Variants in PCSK5 observed in about 807,000 individuals in gnomAD.
PCSK5 encodes prohormone convertase 5.
A neutral mutation model predicts 233.2 loss-of-function variants in PCSK5; 129 were observed. The ratio of observed to expected loss-of-function variants is 0.55; its 90% CI spans 0.48 to 0.64. PCSK5 has a LOEUF of 0.64. PCSK5 is among the 30% of genes least tolerant of loss of function. The probability of loss-of-function intolerance (pLI) is 0.00; values close to 1 mark genes in which losing one functional copy is unlikely to be tolerated. For missense variants in PCSK5, 2,076 were observed against 2,430.1 expected (o/e 0.85, Z 3.06); for synonymous variants, 825 against 879.2 (o/e 0.94, Z 1.09).
intron 32 of PCSK5, 86 bp from the exon 33 acceptor site, chr9:76,327,923 T>C (rs1829413782): frequency 2.4e-6 from 2 of 825,294 alleles, no homozygotes; most frequent in Admixed American, 3.4e-5. Flanking sequence ...GAAAGGAATG[T>C]GAAGACCCTT....
chr9:75,985,950 C>T (rs113100684), intron 2 of PCSK5, among the ~76,000 whole-genome samples, 182 bp from the exon 3 acceptor site: 1 of 150,606 alleles, frequency 6.6e-6, no homozygotes, highest in Admixed American at 6.6e-5. Flanking sequence ...ATTAAACAAA[C>T]AAAAAAAAAG....
intron 2 of PCSK5, among the ~76,000 whole-genome samples, chr9:75,984,603 G>A (rs1826423321): frequency 6.6e-6 from 1 of 152,186 alleles, no homozygotes; most frequent in Non-Finnish European, 1.5e-5. Flanking sequence ...GTAATACAGT[G>A]ATAGGGCCTG....
At chr9:76,258,842 A>C (rs1179894080) in intron 24 of PCSK5, among the ~76,000 whole-genome samples, 3 of 152,166 alleles carry the variant, frequency 2.0e-5, no homozygotes, top group East Asian at 3.9e-4. Flanking sequence ...ACCCCCTTGA[A>C]TGTTGAAATG....
chr9:76,181,902 A>T (rs1017076690), intron 16 of PCSK5, among the ~76,000 whole-genome samples: 2 of 152,208 alleles, frequency 1.3e-5, no homozygotes, highest in Admixed American at 6.5e-5. Context: ...GGGAAAAGGC[A>T]TATGGAACAA....
intron 3 of PCSK5, 107 bp from the exon 4 acceptor site, chr9:76,023,631 C>A: frequency 3.8e-6 from 4 of 1,059,050 alleles, no homozygotes; most frequent in Non-Finnish European, 5.4e-6. Flanking sequence ...CTACTACACT[C>A]CAGCCTGGGC....
chr9:76,333,021 A>T (rs1032027678), intron 34 of PCSK5, among the ~76,000 whole-genome samples: 2 of 152,198 alleles, frequency 1.3e-5, no homozygotes, highest in African/African-American at 4.8e-5. Context: ...AAATATTAAA[A>T]TAAGATTAGC....
chr9:76,117,361 C>A (rs553719200), intron 9 of PCSK5, among the ~76,000 whole-genome samples: 7 of 152,082 alleles, frequency 4.6e-5, no homozygotes, highest in African/African-American at 1.7e-4. Flanking sequence ...TAAAACAAAG[C>A]ATTATATTGT....
At chr9:76,032,883 A>G (rs1464853206) in intron 5 of PCSK5, among the ~76,000 whole-genome samples, 1 of 152,208 alleles carries the variant, frequency 6.6e-6, no homozygotes, top group African/African-American at 2.4e-5. Context: ...AAACCACAGC[A>G]TTATATTTTG....
intron 20 of PCSK5, chr9:76,205,105 T>C: frequency 1.9e-6 from 1 of 518,944 alleles, no homozygotes; most frequent in South Asian, 1.4e-5. Flanking sequence ...GTCATTTCTT[T>C]AGGTTTGCTG....
intron 1 of PCSK5, among the ~76,000 whole-genome samples, chr9:75,893,859 C>T (rs1346548195): frequency 2.0e-5 from 3 of 152,178 alleles, no homozygotes; most frequent in Admixed American, 6.5e-5. Context: ...CAGTGGAGAG[C>T]ATTTCCTCTG....
At chr9:76,174,835 G>A (rs547394939) in intron 13 of PCSK5, 151 bp from the exon 14 acceptor site, 15 of 636,414 alleles carry the variant, frequency 2.4e-5, no homozygotes, top group Middle Eastern at 2.6e-4. Flanking sequence ...CGAGAAATAC[G>A]CATTTCTAGC....
At chr9:76,138,329 G>C (rs1681903066) in intron 10 of PCSK5, among the ~76,000 whole-genome samples, 1 of 152,100 alleles carries the variant, frequency 6.6e-6, no homozygotes, top group Non-Finnish European at 1.5e-5. Flanking sequence ...AATGTCGGCA[G>C]CAGAAGGCAT....
chr9:76,198,901 AG>A (rs1340710931), intron 20 of PCSK5, among the ~76,000 whole-genome samples: 2 of 152,220 alleles, frequency 1.3e-5, no homozygotes, highest in Non-Finnish European at 2.9e-5. Context: ...TCACGTGCTA[AG>A]GTTCCATGCC....
At chr9:76,022,017 C>T (rs932470065) in intron 3 of PCSK5, among the ~76,000 whole-genome samples, 13 of 152,336 alleles carry the variant, frequency 8.5e-5, no homozygotes, top group African/African-American at 9.6e-5. Context: ...TACCAGGACA[C>T]TTGTCCCTAG....
intron 2 of PCSK5, among the ~76,000 whole-genome samples, chr9:75,940,371 T>TC (rs1564096588): frequency 6.6e-6 from 1 of 152,022 alleles, no homozygotes; most frequent in East Asian, 1.9e-4. Context: ...CAAGTTCAAG[T>TC]CTTTAGCTTC....
intron 31 of PCSK5, among the ~76,000 whole-genome samples, chr9:76,322,723 T>A (rs1248693136): frequency 6.6e-6 from 1 of 152,270 alleles, no homozygotes; most frequent in Non-Finnish European, 1.5e-5. Context: ...AATCTGTTAA[T>A]GCTCTTCGGG....
At position 76,350,409 on chromosome 9, in the gene PCSK5, C is replaced by G. The variant is rs183225755; in HGVS notation, c.4967-419C>G. On this transcript the variant is annotated intron_variant, in intron 35 of 37. Coordinates refer to ENST00000674117, the MANE Select transcript of PCSK5 (RefSeq NM_001372043.1). ...CTTTTAGCCCTAGCATTTTAAGTGC[C>G]AAGTTTAGTGCCGTTTCTCAGTTAG... is the stretch of plus-strand genomic sequence containing the variant. 5.9e-5 allele frequency among the ~76,000 whole-genome samples: 9 copies of G among 152,256 alleles called. No homozygotes were observed. In the East Asian group the frequency reaches 1.7e-3, roughly 29 times the overall value.
At chr9:76,202,521 A>G (rs1824955670) in intron 20 of PCSK5, among the ~76,000 whole-genome samples, 1 of 152,190 alleles carries the variant, frequency 6.6e-6, no homozygotes, top group South Asian at 2.1e-4. Flanking sequence ...AATCTGACCC[A>G]CCTCTCCTCT....
chr9:76,161,369 A>G (rs1822844846), intron 12 of PCSK5, among the ~76,000 whole-genome samples: 2 of 152,042 alleles, frequency 1.3e-5, no homozygotes, highest in South Asian at 4.1e-4. Context: ...GCAAAACTTC[A>G]GATACACAAT....
Sources: gnomAD v4.1 joint callset for allele counts (sites outside exome capture counted in the v4.1 genomes callset) on GRCh38, gnomAD v4.1.1 for gene constraint, MANE v1.5 for transcripts, NCBI Gene and HGNC (gene_info 2026-07-23, HGNC 2026-07-21) for gene names.